OSTF1: variants seen among roughly 807,000 people sequenced by gnomAD.
OSTF1 encodes the protein osteoclast-stimulating factor 1.
A neutral mutation model predicts 37.2 loss-of-function variants in OSTF1; 27 were observed. That is an observed-to-expected ratio of 0.73 (90% confidence interval 0.54 to 1.00). OSTF1 has a LOEUF of 1.00. Ranked by LOEUF, OSTF1 falls within the 50% of genes least tolerant of loss-of-function variation. OSTF1 has a pLI of 0.00. For synonymous variants in OSTF1, 82 were observed against 89.2 expected (o/e 0.92, Z 0.46); for missense variants, 232 against 253.8 (o/e 0.91, Z 0.58).
At chr9:75,121,691 A>G (rs554958372) in intron 2 of OSTF1, among the ~76,000 whole-genome samples, 1 of 152,116 alleles carries the variant, frequency 6.6e-6, no homozygotes, top group Non-Finnish European at 1.5e-5. Context: ...CTTTTTCTGA[A>G]TGAGAATTTC....
intron 9 of OSTF1, among the ~76,000 whole-genome samples, chr9:75,143,475 T>C (rs1403982276): frequency 2.0e-5 from 3 of 152,198 alleles, no homozygotes; most frequent in African/African-American, 7.2e-5. Context: ...ACACGCCACA[T>C]GCCTCCCTCA....
chr9:75,099,702 G>A (rs150069457), intron 1 of OSTF1, among the ~76,000 whole-genome samples: 130 of 152,258 alleles, frequency 8.5e-4, no homozygotes, highest in African/African-American at 2.9e-3. Flanking sequence ...GGTGATGAGC[G>A]CCTGTAAACC....
chr9:75,088,569 C>A lies in OSTF1; in HGVS notation c.-124C>A. The A allele has an allele frequency of 9.6e-7, 1 of 1,039,082 alleles. No individual in the cohort carries two copies. The highest frequency in any genetic ancestry group is 1.5e-6 in the Non-Finnish European group (1 of 689,182). The allele number at this position is 1,039,082 out of a possible 1,614,324, so 64.4% of individuals were successfully genotyped here. On this transcript the variant is annotated 5_prime_UTR_variant, in exon 1 of 10. Transcript: ENST00000346234. ...TCTTCCCGCAGCCAAGGGTGGGCGCCGGTCCTAGGAGGCGCACGGTTGTAA... is the reference window on the plus strand; with the variant it reads ...TCTTCCCGCAGCCAAGGGTGGGCGCAGGTCCTAGGAGGCGCACGGTTGTAA...
chr9:75,141,312 C>CAAA (rs529293090), intron 9 of OSTF1, among the ~76,000 whole-genome samples: 10 of 71,674 alleles, frequency 1.4e-4, no homozygotes, highest in South Asian at 6.8e-4. Flanking sequence ...AAAAGAAAAC[C>CAAA]AAAAAAAAAA....
chr9:75,090,278 T>G (rs1246417405), intron 1 of OSTF1, among the ~76,000 whole-genome samples: 1 of 149,432 alleles, frequency 6.7e-6, no homozygotes, highest in Non-Finnish European at 1.5e-5. Flanking sequence ...ATATTGCAAA[T>G]GGAGGGACAT....
At chr9:75,144,316 G>C (rs1825987596) in intron 9 of OSTF1, among the ~76,000 whole-genome samples, 1 of 152,176 alleles carries the variant, frequency 6.6e-6, no homozygotes, top group Non-Finnish European at 1.5e-5. Context: ...AGCACTTTGG[G>C]AGGCAGGGAG....
intron 9 of OSTF1, among the ~76,000 whole-genome samples, chr9:75,143,859 C>T (rs573991904): frequency 6.6e-5 from 10 of 152,280 alleles, no homozygotes; most frequent in African/African-American, 1.9e-4. Flanking sequence ...AAAACTGCCT[C>T]AGAACAGTTC....
intron 6 of OSTF1, among the ~76,000 whole-genome samples, chr9:75,133,896 T>C (rs998956399): frequency 6.6e-6 from 1 of 152,176 alleles, no homozygotes; most frequent in Non-Finnish European, 1.5e-5. Flanking sequence ...ATGTATTTCT[T>C]CCTGGACAAA....
In OSTF1 at chr9:75,115,159, A is replaced by G. The variant is rs114377326; in HGVS notation, c.35-2345A>G. On this transcript the variant is annotated intron_variant, in intron 1 of 9. Coordinates refer to ENST00000346234, the MANE Select transcript of OSTF1 (RefSeq NM_012383.5). ...AAAGAATAAGAAAGATAAAAATGTAAATAATTTCTGAAGTAGTCTTCCCGT... is the reference window on the plus strand; with the variant it reads ...AAAGAATAAGAAAGATAAAAATGTAGATAATTTCTGAAGTAGTCTTCCCGT... 3.7e-3 allele frequency among the ~76,000 whole-genome samples: 571 copies of G among 152,318 alleles called. 5 individuals carry two copies. Among genetic ancestry groups the G allele is most frequent in the African/African-American group, 0.013 (553 of 41,558 alleles).
chr9:75,088,515 C>G lies in OSTF1; in HGVS notation c.-178C>G. The G allele has an allele frequency of 2.9e-5, 19 of 661,440 alleles. No homozygotes were observed. The South Asian group carries it at 3.3e-4, about 11-fold the overall frequency. The allele number at this position is 661,440 out of a possible 1,614,324, so 41.0% of individuals were successfully genotyped here. A position where few individuals can be genotyped will look rare whatever the true frequency, so the allele number is the denominator to read the frequency against. On this transcript the variant is annotated 5_prime_UTR_variant, in exon 1 of 10. Transcript: ENST00000346234. The stretch of plus-strand genomic sequence containing the variant: ...GGCGGCCGCGGGGCGGGGCGGAGCA[C>G]TCGGCGGAGCCGCTCTGCCTGCGTC...
intron 2 of OSTF1, among the ~76,000 whole-genome samples, chr9:75,121,053 G>A (rs976586514): frequency 2.6e-5 from 4 of 152,184 alleles, no homozygotes; most frequent in East Asian, 3.9e-4. Context: ...TTCAGAGCCC[G>A]CACTAGGGTT....
chr9:75,091,270 T>C (rs970071952), intron 1 of OSTF1, among the ~76,000 whole-genome samples: 2 of 151,872 alleles, frequency 1.3e-5, no homozygotes, highest in African/African-American at 4.8e-5. Context: ...TTTGTATTTT[T>C]AGTAGAGACA....
At position 75,113,728 on chromosome 9, in the gene OSTF1, T is replaced by C. The variant is rs145475607; in HGVS notation, c.35-3776T>C. ...CATTATGGTGTACAACATGATGTTT[T>C]GATAGCATACATTGTGGAATGACTA... On this transcript the variant is annotated intron_variant, in intron 1 of 9. Coordinates refer to ENST00000346234, the MANE Select transcript of OSTF1 (RefSeq NM_012383.5). Among the ~76,000 whole-genome samples, 41 of 152,352 alleles carry C rather than the reference T, an allele frequency of 2.7e-4. No homozygotes were observed. The East Asian group carries it at 7.7e-3, about 29-fold the overall frequency.
In OSTF1 at chr9:75,088,755, G is replaced by A. The variant is rs1279060900; in HGVS notation, c.34+29G>A. 6 of 1,593,552 alleles carry A rather than the reference G, an allele frequency of 3.8e-6. No individual in the cohort carries two copies. In the Admixed American group the frequency reaches 1.0e-4, roughly 28 times the overall value. On this transcript the variant is annotated intron_variant, in intron 1 of 9. Transcript: ENST00000346234. ...AGGGAGGTAAGGTAGGCGCTTGCCAGGTCCTGCGACCGCCGCGGTGCCGGC... is the reference window on the plus strand; with the variant it reads ...AGGGAGGTAAGGTAGGCGCTTGCCAAGTCCTGCGACCGCCGCGGTGCCGGC...
At chr9:75,110,767 G>A (rs1825372324) in intron 1 of OSTF1, among the ~76,000 whole-genome samples, 1 of 151,592 alleles carries the variant, frequency 6.6e-6, no homozygotes, top group Non-Finnish European at 1.5e-5. Context: ...CTGGAGTGCA[G>A]TGGTGCAGTC....
At chr9:75,092,308 T>C (rs1416311877) in intron 1 of OSTF1, among the ~76,000 whole-genome samples, 1 of 152,210 alleles carries the variant, frequency 6.6e-6, no homozygotes, top group Non-Finnish European at 1.5e-5. Flanking sequence ...TAGATCAGGG[T>C]TACCTTGTTT....
At chr9:75,139,161 G>T (rs1253079277) in intron 8 of OSTF1, among the ~76,000 whole-genome samples, 1 of 150,784 alleles carries the variant, frequency 6.6e-6, no homozygotes, top group African/African-American at 2.4e-5. Context: ...TCCCACCTCA[G>T]CCTCCTGAAT....
rs62569063 is a variant in OSTF1 at position 75,141,845 on chromosome 9, T to C, written c.586+913T>C. Among the ~76,000 whole-genome samples the C allele has an allele frequency of 8.6e-3, 1,317 of 152,260 alleles. 7 individuals are homozygous for C. Among genetic ancestry groups the C allele is most frequent in the Non-Finnish European group, 0.015 (994 of 68,034 alleles). Reference sequence around the variant, plus strand: ...TCACTGCAGCCTCAAACTCCTAGGCTCACGTGATCCTCCCATCTCAGCTTC... The same window carrying C: ...TCACTGCAGCCTCAAACTCCTAGGCCCACGTGATCCTCCCATCTCAGCTTC... On this transcript the variant is annotated intron_variant, in intron 9 of 9. Coordinates refer to ENST00000346234, the MANE Select transcript of OSTF1 (RefSeq NM_012383.5).
chr9:75,146,166 G>T (rs1170097713), intron 9 of OSTF1, among the ~76,000 whole-genome samples: 2 of 152,192 alleles, frequency 1.3e-5, no homozygotes, highest in Non-Finnish European at 2.9e-5. Flanking sequence ...ATTTGATGGG[G>T]TCCAGCTCTA....
Sources: gnomAD v4.1 joint callset for allele counts (sites outside exome capture counted in the v4.1 genomes callset) on GRCh38, gnomAD v4.1.1 for gene constraint, MANE v1.5 for transcripts, NCBI Gene and HGNC (gene_info 2026-07-23, HGNC 2026-07-21) for gene names.